NIM1K: variants seen among roughly 807,000 people sequenced by gnomAD.
NIM1K encodes the protein serine/threonine-protein kinase NIM1.
A neutral mutation model predicts 37.1 loss-of-function variants in NIM1K; 35 were observed. The observed-to-expected ratio is 0.94, with a 90% CI of 0.72 to 1.25. The LOEUF (loss-of-function observed/expected upper bound fraction) is 1.25. Ranked by LOEUF, NIM1K falls within the 50% of genes most tolerant of loss-of-function variation. The pLI is 0.00. For missense variants in NIM1K, 564 were observed against 548.0 expected, an observed-to-expected ratio of 1.03 and a Z score of -0.29; for synonymous variants, 234 against 206.6, an observed-to-expected ratio of 1.13 and a Z score of -1.14.
intron 1 of NIM1K, chr5:43,232,215 G>T (rs1463910673): frequency 1.2e-5 from 12 of 1,006,694 alleles, no homozygotes; most frequent in Non-Finnish European, 1.9e-5. Context: ...ATGTCACCAC[G>T]GTAAAACAGG....
intron 1 of NIM1K, among the ~76,000 whole-genome samples, chr5:43,214,829 A>AC (rs1561075666): frequency 6.7e-6 from 1 of 149,118 alleles, no homozygotes; most frequent in Non-Finnish European, 1.5e-5. Flanking sequence ...AAAAAAAAAA[A>AC]AACAAAAAAG....
At chr5:43,273,564 C>T (rs1013084074) in intron 2 of NIM1K, among the ~76,000 whole-genome samples, 6 of 152,146 alleles carry the variant, frequency 3.9e-5, no homozygotes, top group Non-Finnish European at 8.8e-5. Flanking sequence ...TAAAACCTTG[C>T]TATGTTTTCT....
At chr5:43,272,418 A>G (rs1753271463) in intron 2 of NIM1K, among the ~76,000 whole-genome samples, 1 of 151,956 alleles carries the variant, frequency 6.6e-6, no homozygotes, top group Non-Finnish European at 1.5e-5. Flanking sequence ...CTGCCCCTCC[A>G]GATCTACTCT....
intron 1 of NIM1K, among the ~76,000 whole-genome samples, chr5:43,217,239 CT>C (rs1217706835): frequency 1.3e-5 from 2 of 152,094 alleles, no homozygotes; most frequent in Non-Finnish European, 2.9e-5. Context: ...TCCTTTGTGA[CT>C]GGTTTCTTTC....
intron 2 of NIM1K, among the ~76,000 whole-genome samples, chr5:43,272,886 G>A (rs943087889): frequency 6.6e-6 from 1 of 151,918 alleles, no homozygotes; most frequent in Non-Finnish European, 1.5e-5. Flanking sequence ...CTTCCACTGG[G>A]GCAGCTACTC....
chr5:43,225,775 C>G (rs1682867099), intron 1 of NIM1K: 1 of 153,634 alleles, frequency 6.5e-6, no homozygotes, highest in Admixed American at 6.5e-5. Context: ...CAGAAAACTG[C>G]TTGTTATCTT....
chr5:43,246,719 T>C (rs1489302709), intron 2 of NIM1K, among the ~76,000 whole-genome samples: 1 of 152,164 alleles, frequency 6.6e-6, no homozygotes, highest in African/African-American at 2.4e-5. Context: ...TTTGCTTGGC[T>C]ACTGGAAACT....
In NIM1K at chr5:43,280,694, A is replaced by G. The variant is rs1430292510; in HGVS notation, c.1276A>G (p.Ile426Val). The G allele has an allele frequency of 1.2e-6, 2 of 1,604,504 alleles. No homozygotes were observed. The highest frequency in any genetic ancestry group is 8.5e-7 in the Non-Finnish European group (1 of 1,177,568). ...AAAAGGGTCCCGTGTCTACAGAGGG[A>G]TAAGACACACATCCAAATTTTGCTC... ...LKKGSRVYRG[I>V]RHTSKFCSIL Residue 426 changes from isoleucine to valine, a missense_variant, in exon 4 of 4, where the codon ATA (isoleucine) becomes GTA (valine). Coordinates refer to ENST00000326035, the MANE Select transcript of NIM1K (RefSeq NM_153361.4).
chr5:43,208,022 G>C (rs1292774309), intron 1 of NIM1K, among the ~76,000 whole-genome samples: 1 of 152,186 alleles, frequency 6.6e-6, no homozygotes, highest in Non-Finnish European at 1.5e-5. Flanking sequence ...CTGAAGGATG[G>C]TTAGACAGCA....
chr5:43,255,642 A>G (rs1242614612), intron 2 of NIM1K, among the ~76,000 whole-genome samples: 24 of 151,636 alleles, frequency 1.6e-4, no homozygotes, highest in Admixed American at 1.6e-3. Context: ...TCAGCTACTC[A>G]GGAGACTGAG....
chr5:43,264,779 T>C (rs933819662), intron 2 of NIM1K, among the ~76,000 whole-genome samples: 3 of 152,238 alleles, frequency 2.0e-5, no homozygotes, highest in Admixed American at 2.0e-4. Flanking sequence ...TTTCCATGTT[T>C]AGTGCTTCCT....
At chr5:43,224,697 A>ATG (rs1554014224) in intron 1 of NIM1K, among the ~76,000 whole-genome samples, 3 of 140,796 alleles carry the variant, frequency 2.1e-5, no homozygotes, top group African/African-American at 7.9e-5. Context: ...TAACAAGTGA[A>ATG]TTTTTTTTTT....
At chr5:43,248,251 A>G (rs1380307961) in intron 2 of NIM1K, among the ~76,000 whole-genome samples, 1 of 152,242 alleles carries the variant, frequency 6.6e-6, no homozygotes, top group African/African-American at 2.4e-5. Flanking sequence ...CCCTAACAGT[A>G]GGGGAAGTAG....
At chr5:43,239,958 A>G (rs1752676067) in intron 1 of NIM1K, among the ~76,000 whole-genome samples, 1 of 152,256 alleles carries the variant, frequency 6.6e-6, no homozygotes, top group East Asian at 1.9e-4. Context: ...ATTAGATATT[A>G]GAGAATCAGG....
intron 1 of NIM1K, among the ~76,000 whole-genome samples, chr5:43,244,392 G>A (rs536213242): frequency 4.6e-5 from 7 of 152,224 alleles, no homozygotes; most frequent in African/African-American, 9.6e-5. Context: ...GAAAATGCAC[G>A]AAGTGCTGTG....
chr5:43,236,432 G>A (rs758798166), intron 1 of NIM1K, among the ~76,000 whole-genome samples: 5 of 151,942 alleles, frequency 3.3e-5, no homozygotes, highest in Admixed American at 6.6e-5. Context: ...CCTGGACAAC[G>A]TAGTGAGACC....
chr5:43,225,804 A>G (rs562322053), intron 1 of NIM1K: 5 of 153,084 alleles, frequency 3.3e-5, no homozygotes, highest in Non-Finnish European at 5.9e-5. Flanking sequence ...TTGCTTCCTT[A>G]TTTGTCTTCA....
At position 43,214,825 on chromosome 5, in the gene NIM1K, A is replaced by C. The variant is rs113945800; in HGVS notation, c.-695+22414A>C. 2.8e-4 allele frequency among the ~76,000 whole-genome samples: 42 copies of C among 148,658 alleles called. No homozygotes were observed. The South Asian group carries it at 4.7e-3, about 17-fold the overall frequency. On this transcript the variant is annotated intron_variant, in intron 1 of 3. Transcript: ENST00000326035. ...CAAGACTCCGTCTCAAAAAAAAAAA[A>C]AAAAAACAAAAAAGAAAAAAGAAAT... is the stretch of plus-strand genomic sequence containing the variant.
chr5:43,262,134 A>G (rs1056755540), intron 2 of NIM1K, among the ~76,000 whole-genome samples: 1 of 152,112 alleles, frequency 6.6e-6, no homozygotes, highest in African/African-American at 2.4e-5. Context: ...AGTTTTTTCC[A>G]CTTCTGTGAA....
Sources: allele counts gnomAD v4.1 joint callset (sites outside exome capture counted in the v4.1 genomes callset), GRCh38; gene constraint gnomAD v4.1.1; transcripts MANE v1.5; gene names NCBI Gene and HGNC (gene_info 2026-07-23, HGNC 2026-07-21).